The following RALYL variants were observed in gnomAD, a reference collection of about 807,000 sequenced individuals.
The protein encoded by RALYL is RNA-binding Raly-like protein.
A neutral mutation model predicts 35.1 loss-of-function variants in RALYL; 29 were observed. The observed-to-expected ratio is 0.83, with a 90% CI of 0.61 to 1.13. The LOEUF is 1.13. RALYL is among the 50% of genes most tolerant of loss of function. RALYL has a pLI of 0.00. For missense variants in RALYL, 359 were observed against 360.4 expected, an observed-to-expected ratio of 1.00 and a Z score of 0.03; for synonymous variants, 120 against 127.6, an observed-to-expected ratio of 0.94 and a Z score of 0.40.
Position 84,505,605 on chromosome 8 carries a change from C to T in RALYL, c.-23-23694C>T, listed in dbSNP as rs1220303315. On this transcript the variant is annotated intron_variant, in intron 1 of 8. Coordinates refer to ENST00000521268, the MANE Select transcript of RALYL (RefSeq NM_173848.7). ...TCAGGGGATACATGTGCAAGTTTGTCACATGGGTATATTGCACGACACTGA... is the reference window on the plus strand; with the variant it reads ...TCAGGGGATACATGTGCAAGTTTGTTACATGGGTATATTGCACGACACTGA... 2.6e-5 allele frequency among the ~76,000 whole-genome samples: 4 copies of T among 151,978 alleles called. No homozygotes were observed. In the East Asian group the frequency reaches 5.8e-4, roughly 22 times the overall value.
intron 2 of RALYL, among the ~76,000 whole-genome samples, chr8:84,549,353 C>G (rs573808911): frequency 6.6e-6 from 1 of 152,232 alleles, no homozygotes; most frequent in Admixed American, 6.5e-5. Flanking sequence ...ATCCATTTTC[C>G]CCATGGATTG....
At chr8:84,316,760 A>AT (rs1275391690) in intron 1 of RALYL, among the ~76,000 whole-genome samples, 1 of 152,134 alleles carries the variant, frequency 6.6e-6, no homozygotes, top group Non-Finnish European at 1.5e-5. Context: ...ATCAGTCTCT[A>AT]TTCTGACCGA....
At chr8:84,549,819 C>A (rs114817477) in intron 2 of RALYL, among the ~76,000 whole-genome samples, 313 of 152,226 alleles carry the variant, frequency 2.1e-3, no homozygotes, top group African/African-American at 7.1e-3. Flanking sequence ...TATGTTTGAG[C>A]CTAAAAAATT....
chr8:84,228,075 A>G (rs1467394893), intron 1 of RALYL, among the ~76,000 whole-genome samples: 1 of 151,428 alleles, frequency 6.6e-6, no homozygotes, highest in East Asian at 1.9e-4. Context: ...TTGAAGAGAT[A>G]CTCCCCTATT....
In RALYL at chr8:84,651,351, TTAA is replaced by T. The variant is rs1472363680; in HGVS notation, c.256+121778_256+121780del. Among the ~76,000 whole-genome samples the T allele has an allele frequency of 7.9e-5, 12 of 152,052 alleles. No individual in the cohort carries two copies. In the East Asian group the frequency reaches 1.5e-3, roughly 20 times the overall value. On this transcript the variant is annotated intron_variant, in intron 2 of 8. Coordinates refer to ENST00000521268, the MANE Select transcript of RALYL (RefSeq NM_173848.7). The stretch of plus-strand genomic sequence containing the variant: ...AATATAGTTAATAATTATACTATAA[TTAA>T]TAACTTGTATGGAACCACAATATTA...
chr8:84,361,245 T>C (rs997842694), intron 1 of RALYL, among the ~76,000 whole-genome samples: 4 of 152,144 alleles, frequency 2.6e-5, no homozygotes, highest in African/African-American at 9.6e-5. Context: ...CTAGTTGCCA[T>C]TTTGAGAATG....
intron 2 of RALYL, among the ~76,000 whole-genome samples, chr8:84,756,230 T>C (rs1402362064): frequency 6.6e-6 from 1 of 152,084 alleles, no homozygotes; most frequent in African/African-American, 2.4e-5. Context: ...ATTTTCCAGA[T>C]GCCGAATTTC....
At chr8:84,521,207 CTCTT>C (rs2134669278) in intron 1 of RALYL, among the ~76,000 whole-genome samples, 1 of 152,246 alleles carries the variant, frequency 6.6e-6, no homozygotes, top group Non-Finnish European at 1.5e-5. Context: ...GAGGCCAGAG[CTCTT>C]TCTCTCTTAC....
intron 1 of RALYL, among the ~76,000 whole-genome samples, chr8:84,221,795 G>A (rs1317727764): frequency 6.6e-6 from 1 of 151,896 alleles, no homozygotes; most frequent in Non-Finnish European, 1.5e-5. Flanking sequence ...CTTGGATGTA[G>A]GTTCACTGGA....
chr8:84,580,968 C>T (rs910425642), intron 2 of RALYL, among the ~76,000 whole-genome samples: 4 of 152,158 alleles, frequency 2.6e-5, no homozygotes, highest in Non-Finnish European at 4.4e-5. Context: ...TGTTCACTCA[C>T]ATATCTGTTG....
Position 84,921,510 on chromosome 8 carries a change from G to C in RALYL, c.*599G>C, listed in dbSNP as rs939117971. 10 of 152,072 alleles carry C rather than the reference G, an allele frequency of 6.6e-5. No individual in the cohort carries two copies. Among genetic ancestry groups the C allele is most frequent in the African/African-American group, 2.2e-4 (9 of 41,404 alleles). 9.4% of individuals were successfully genotyped at this position (152,072 alleles called of 1,614,324 possible). ...TGATATAATAGTTAAAGAACTGTTG[G>C]TTTGATCTGTGATTAAGTTGAGCAT... is the stretch of plus-strand genomic sequence containing the variant. On this transcript the variant is annotated 3_prime_UTR_variant, in exon 9 of 9. Transcript: ENST00000521268.
chr8:84,418,857 A>G (rs2045069484), intron 1 of RALYL, among the ~76,000 whole-genome samples: 1 of 152,016 alleles, frequency 6.6e-6, no homozygotes, highest in Non-Finnish European at 1.5e-5. Flanking sequence ...ACTTGCTTAG[A>G]GGCCTGCCAT....
At chr8:84,464,209 T>G (rs935451101) in intron 1 of RALYL, among the ~76,000 whole-genome samples, 13 of 151,796 alleles carry the variant, frequency 8.6e-5, no homozygotes, top group Non-Finnish European at 1.5e-4. Flanking sequence ...GTTACATATG[T>G]ATACATGTGC....
At chr8:84,508,298 A>G (rs974083124) in intron 1 of RALYL, among the ~76,000 whole-genome samples, 12 of 152,144 alleles carry the variant, frequency 7.9e-5, no homozygotes, top group Non-Finnish European at 1.6e-4. Flanking sequence ...AGTTAACCCT[A>G]TGGCTTATAC....
At chr8:84,238,505 A>G (rs989063078) in intron 1 of RALYL, among the ~76,000 whole-genome samples, 1 of 152,170 alleles carries the variant, frequency 6.6e-6, no homozygotes, top group Non-Finnish European at 1.5e-5. Flanking sequence ...GAACTGTAGC[A>G]TATATCAACC....
chr8:84,821,891 C>T (rs1301454994), intron 4 of RALYL, among the ~76,000 whole-genome samples: 1 of 152,076 alleles, frequency 6.6e-6, no homozygotes, highest in Non-Finnish European at 1.5e-5. Flanking sequence ...AAAGTCAATC[C>T]TCAAATGTTT....
At chr8:84,672,063 G>C (rs879311548) in intron 2 of RALYL, among the ~76,000 whole-genome samples, 1 of 152,134 alleles carries the variant, frequency 6.6e-6, no homozygotes, top group Non-Finnish European at 1.5e-5. Flanking sequence ...GCTTTAAAGA[G>C]CACCCAAGTC....
At chr8:84,243,860 A>G (rs1336950201) in intron 1 of RALYL, among the ~76,000 whole-genome samples, 1 of 152,056 alleles carries the variant, frequency 6.6e-6, no homozygotes, top group East Asian at 1.9e-4. Context: ...ATAAGTTAGG[A>G]GTCTGGGAGG....
chr8:84,220,835 CCTTTA>C (rs1159093434), intron 1 of RALYL, among the ~76,000 whole-genome samples: 1 of 151,696 alleles, frequency 6.6e-6, no homozygotes, highest in South Asian at 2.1e-4. Flanking sequence ...TTGTTCATTT[CCTTTA>C]CTTCGTTAAA....
Sources: gnomAD v4.1 joint callset for allele counts (sites outside exome capture counted in the v4.1 genomes callset) on GRCh38, gnomAD v4.1.1 for gene constraint, MANE v1.5 for transcripts, NCBI Gene and HGNC (gene_info 2026-07-23, HGNC 2026-07-21) for gene names.